Variants in DLG2 observed in about 807,000 individuals in gnomAD.
DLG2 encodes the protein discs large MAGUK scaffold protein 2, also known as disks large homolog 2.
In DLG2, 45 loss-of-function variants were observed where a neutral mutation model predicts 132.5. The observed-to-expected ratio is 0.34, with a 90% confidence interval of 0.27 to 0.44. The LOEUF is 0.44. Ranked by LOEUF, DLG2 falls within the 20% of genes least tolerant of loss-of-function variation. DLG2 has a pLI of 1.00. For missense variants in DLG2, 1,045 were observed against 1,196.9 expected (o/e 0.87, Z 1.87); for synonymous variants, 424 against 419.6 (o/e 1.01, Z -0.13).
Position 85,347,865 on chromosome 11 carries a change from G to C in DLG2, c.41-62500C>G, listed in dbSNP as rs536710261. Among the ~76,000 whole-genome samples the C allele has an allele frequency of 8.6e-5, 12 of 138,884 alleles. No homozygotes were observed. In the South Asian group the frequency reaches 2.8e-3, roughly 32 times the overall value. 91.1% of individuals were successfully genotyped at this position (138,884 alleles called of 152,430 possible). A position where few individuals can be genotyped will look rare whatever the true frequency, so the allele number is the denominator to read the frequency against. On this transcript the variant is annotated intron_variant, in intron 3 of 27. Transcript: ENST00000376104. ...GTCACCCAGGCTGGAGTGCAGAGGT[G>C]CAATCTCGGCACATTGCAGCCTCGA... is the stretch of plus-strand genomic sequence containing the variant.
At chr11:83,734,151 C>G (rs1379181056) in intron 18 of DLG2, among the ~76,000 whole-genome samples, 1 of 152,078 alleles carries the variant, frequency 6.6e-6, no homozygotes, top group Non-Finnish European at 1.5e-5. Flanking sequence ...AGAAATATCT[C>G]TACATCTCTC....
intron 10 of DLG2, among the ~76,000 whole-genome samples, chr11:84,096,320 A>C (rs1371361707): frequency 6.6e-6 from 1 of 152,164 alleles, no homozygotes; most frequent in Admixed American, 6.5e-5. Context: ...CCTGCACATG[A>C]TAAAATGTCA....
intron 3 of DLG2, among the ~76,000 whole-genome samples, chr11:85,563,038 T>C (rs1303652717): frequency 6.6e-6 from 1 of 151,678 alleles, no homozygotes; most frequent in Non-Finnish European, 1.5e-5. Flanking sequence ...CAATTCAATA[T>C]TGACTGAGCA....
rs185475963 is a variant in DLG2, at chr11:85,560,982, T to C, written c.40+37675A>G. ...GAGAGGTCAAGGCTGCAGTGAGCTG[T>C]GATCATTCCATTGCACTCCAGCCTG... is the stretch of plus-strand genomic sequence containing the variant. On this transcript the variant is annotated intron_variant, in intron 3 of 27. Coordinates refer to ENST00000376104, the MANE Select transcript of DLG2 (RefSeq NM_001142699.3). Among the ~76,000 whole-genome samples, 2 of 151,426 alleles carry C rather than the reference T, an allele frequency of 1.3e-5. 1 individual carries two copies. The highest frequency in any genetic ancestry group is 3.0e-5 in the Non-Finnish European group (2 of 67,786).
chr11:84,414,516 C>T (rs561448018), intron 7 of DLG2, among the ~76,000 whole-genome samples: 27 of 152,200 alleles, frequency 1.8e-4, no homozygotes, highest in African/African-American at 4.8e-4. Flanking sequence ...AATTCCATTC[C>T]GGTTTGTTTT....
At chr11:84,620,313 CTCAT>C (rs1427840495) in intron 6 of DLG2, among the ~76,000 whole-genome samples, 1 of 151,744 alleles carries the variant, frequency 6.6e-6, no homozygotes, top group Non-Finnish European at 1.5e-5. Context: ...CAACACCAGA[CTCAT>C]TAAATACTTA....
chr11:85,390,243 T>C (rs2086682065), intron 3 of DLG2, among the ~76,000 whole-genome samples: 1 of 151,362 alleles, frequency 6.6e-6, no homozygotes, highest in African/African-American at 2.4e-5. Flanking sequence ...GCAACAGCAG[T>C]TGAAAAAAAA....
Position 85,401,846 on chromosome 11 carries a change from C to T in DLG2, c.41-116481G>A, listed in dbSNP as rs189362581. Among the ~76,000 whole-genome samples, 166 of 151,814 alleles carry T rather than the reference C, an allele frequency of 1.1e-3. 1 individual carries two copies. Among genetic ancestry groups the T allele is most frequent in the East Asian group, 0.01 (52 of 5,174 alleles). On this transcript the variant is annotated intron_variant, in intron 3 of 27. Transcript: ENST00000376104. ...CTTCTCAATGAAATAAAAGAGGACA[C>T]AAAAAAATGGAAGAACATTCCATGC...
intron 6 of DLG2, among the ~76,000 whole-genome samples, chr11:84,892,415 A>C (rs1164964117): frequency 6.6e-6 from 1 of 152,152 alleles, no homozygotes; most frequent in Non-Finnish European, 1.5e-5. Flanking sequence ...TGGCAAAAAA[A>C]AGGCTTTATC....
chr11:84,898,570 T>C (rs1228668), intron 6 of DLG2, among the ~76,000 whole-genome samples: 105,816 of 151,830 alleles, frequency 0.7, 38,431 homozygotes, highest in African/African-American at 0.9. Context: ...AATTTAGAAT[T>C]ATTTCTGTTA....
At chr11:83,806,351 C>A (rs1412128197) in intron 17 of DLG2, among the ~76,000 whole-genome samples, 3 of 152,068 alleles carry the variant, frequency 2.0e-5, no homozygotes, top group African/African-American at 7.2e-5. Context: ...TTCAGGTAAC[C>A]ACTGATAATA....
chr11:85,029,372 G>A (rs2060820834), intron 6 of DLG2, among the ~76,000 whole-genome samples: 1 of 152,174 alleles, frequency 6.6e-6, no homozygotes, highest in African/African-American at 2.4e-5. Context: ...CTCTCCATGT[G>A]TCCACATGTC....
intron 16 of DLG2, among the ~76,000 whole-genome samples, chr11:83,835,984 T>C (rs1032994751): frequency 6.6e-6 from 1 of 152,140 alleles, no homozygotes; most frequent in African/African-American, 2.4e-5. Flanking sequence ...AATTGGCTTA[T>C]GTAGTTGTGG....
At chr11:85,078,766 C>A (rs898257736) in intron 6 of DLG2, among the ~76,000 whole-genome samples, 1 of 151,986 alleles carries the variant, frequency 6.6e-6, no homozygotes, top group African/African-American at 2.4e-5. Flanking sequence ...AAGATGAGAA[C>A]TGAGAATTCA....
chr11:83,486,911 T>A (rs528964417), intron 21 of DLG2, among the ~76,000 whole-genome samples: 124 of 152,274 alleles, frequency 8.1e-4, no homozygotes, highest in Middle Eastern at 6.8e-3. Flanking sequence ...TTTATAATGC[T>A]TTAACAGTAT....
chr11:84,600,159 G>GGAAAGAAAGAAAGAAAGAAA lies in DLG2; in HGVS notation c.358-65448_358-65429dup, dbSNP rs1181993623. Among the ~76,000 whole-genome samples the GGAAAGAAAGAAAGAAAGAAA allele has an allele frequency of 3.0e-4, 29 of 96,146 alleles. 1 individual carries two copies. Among genetic ancestry groups the GGAAAGAAAGAAAGAAAGAAA allele is most frequent in the East Asian group, 1.2e-3 (4 of 3,358 alleles). 63.1% of individuals were successfully genotyped at this position (96,146 alleles called of 152,430 possible). A position where few individuals can be genotyped will look rare whatever the true frequency, so the allele number is the denominator to read the frequency against. On this transcript the variant is annotated intron_variant, in intron 6 of 27. Coordinates refer to ENST00000376104, the MANE Select transcript of DLG2 (RefSeq NM_001142699.3). ...AAGAAAGAAGGAAAGAAAGAAAGAA[G>GGAAAGAAAGAAAGAAAGAAA]GAAAGAAAGAAAGAAAGAAAGAAAG... is the stretch of plus-strand genomic sequence containing the variant.
At chr11:84,862,329 G>T (rs1197286606) in intron 6 of DLG2, among the ~76,000 whole-genome samples, 4 of 152,170 alleles carry the variant, frequency 2.6e-5, no homozygotes, top group Non-Finnish European at 5.9e-5. Context: ...AACAGATGCT[G>T]GAGAGGATGT....
intron 3 of DLG2, among the ~76,000 whole-genome samples, chr11:85,293,395 T>C (rs1023584334): frequency 1.3e-5 from 2 of 152,140 alleles, no homozygotes; most frequent in African/African-American, 2.4e-5. Flanking sequence ...TGAGACCTCA[T>C]CTCTGCAAAA....
chr11:85,395,547 G>C (rs553448595), intron 3 of DLG2, among the ~76,000 whole-genome samples: 3 of 152,300 alleles, frequency 2.0e-5, no homozygotes, highest in African/African-American at 7.2e-5. Flanking sequence ...GGTACACTCT[G>C]AGCCAAATAC....
Sources: gnomAD v4.1 joint callset for allele counts (sites outside exome capture counted in the v4.1 genomes callset) on GRCh38, gnomAD v4.1.1 for gene constraint, MANE v1.5 for transcripts, NCBI Gene and HGNC (gene_info 2026-07-23, HGNC 2026-07-21) for gene names.